The following PITPNM3 variants were observed in gnomAD, a reference collection of about 807,000 sequenced individuals.
PITPNM3 encodes PITPNM family member 3.
A neutral mutation model predicts 102.0 loss-of-function variants in PITPNM3; 26 were observed. That is an observed-to-expected ratio of 0.25 (90% CI 0.19 to 0.35). The LOEUF (loss-of-function observed/expected upper bound fraction) is 0.35, where lower values mean the gene tolerates loss of function less well. PITPNM3 is among the 10% of genes least tolerant of loss of function. PITPNM3 has a pLI of 1.00. For missense variants in PITPNM3, 1,083 were observed against 1,346.1 expected (o/e 0.80, Z 3.06); for synonymous variants, 578 against 558.6 (o/e 1.03, Z -0.49).
chr17:6,534,153 G>A (rs577714511), intron 2 of PITPNM3, among the ~76,000 whole-genome samples: 2 of 152,286 alleles, frequency 1.3e-5, no homozygotes, highest in African/African-American at 4.8e-5. Context: ...GGCACTGCTG[G>A]GCTGTGGCCC....
intron 19 of PITPNM3, among the ~76,000 whole-genome samples, chr17:6,456,423 G>A (rs1914118807): frequency 6.6e-6 from 1 of 152,028 alleles, no homozygotes. Context: ...TCATTTTTCT[G>A]AGCCCTGCGA....
At chr17:6,495,607 G>T (rs984615568) in intron 4 of PITPNM3, among the ~76,000 whole-genome samples, 1 of 152,182 alleles carries the variant, frequency 6.6e-6, no homozygotes, top group Non-Finnish European at 1.5e-5. Context: ...CCACCAGGCT[G>T]GGTTCTGGGG....
At position 6,529,950 on chromosome 17, in the gene PITPNM3, G is replaced by A. The variant is rs7220715; in HGVS notation, c.119-4487C>T. Among the ~76,000 whole-genome samples, 1,169 of 152,356 alleles carry A rather than the reference G, an allele frequency of 7.7e-3. 11 individuals are homozygous for A. Among genetic ancestry groups the A allele is most frequent in the African/African-American group, 0.027 (1,105 of 41,588 alleles). On this transcript the variant is annotated intron_variant, in intron 2 of 19. Coordinates refer to ENST00000262483, the MANE Select transcript of PITPNM3 (RefSeq NM_031220.4). ...CTCCCCCAATGGGGGAAAAGGTAGA[G>A]GGAGAGTGGGGGCCTGTGGCACACC...
intron 4 of PITPNM3, among the ~76,000 whole-genome samples, chr17:6,494,483 C>G (rs1001056319): frequency 2.0e-5 from 3 of 152,232 alleles, no homozygotes; most frequent in Non-Finnish European, 4.4e-5. Context: ...CCAGCCCATG[C>G]GCACCTGCAC....
Position 6,538,093 on chromosome 17 carries a change from G to A in PITPNM3, c.23-11C>T, listed in dbSNP as rs1482933033. Reference sequence around the variant, plus strand: ...CCGGGGGAGGACCACCTGTTAAAGGGAACACATCTGTTAACCAAGCCTGAG... The same window carrying A: ...CCGGGGGAGGACCACCTGTTAAAGGAAACACATCTGTTAACCAAGCCTGAG... On this transcript the variant is annotated splice_polypyrimidine_tract_variant and intron_variant, in intron 1 of 19. Transcript: ENST00000262483. 6.3e-7 allele frequency: 1 copy of A among 1,585,496 alleles called. No individual in the cohort carries two copies. The highest frequency in any genetic ancestry group is 1.7e-5 in the Admixed American group (1 of 59,954).
Position 6,452,077 on chromosome 17 carries a change from C to A in PITPNM3, c.*3261G>T, listed in dbSNP as rs924208846. ...GTTTAAAAACCGTGAGATCCAGCCT[C>A]GCCTCTTCTAGACAGCCCACCGCCA... On this transcript the variant is annotated 3_prime_UTR_variant, in exon 20 of 20. Coordinates refer to ENST00000262483, the MANE Select transcript of PITPNM3 (RefSeq NM_031220.4). 6.6e-6 allele frequency: 1 copy of A among 152,108 alleles called. No individual in the cohort carries two copies. Among genetic ancestry groups the A allele is most frequent in the Non-Finnish European group, 1.5e-5 (1 of 68,034 alleles). The allele number at this position is 152,108 out of a possible 1,614,324, so 9.4% of individuals were successfully genotyped here.
chr17:6,544,625 G>GTCTCTCTCTCTCTC (rs67144965), intron 1 of PITPNM3, among the ~76,000 whole-genome samples: 2 of 137,192 alleles, frequency 1.5e-5, no homozygotes, highest in Non-Finnish European at 3.1e-5. Context: ...TTTGAATGGT[G>GTCTCTCTCTCTCTC]TCTCTCTCTC....
At chr17:6,498,989 G>A (rs557148065) in intron 4 of PITPNM3, among the ~76,000 whole-genome samples, 8 of 152,230 alleles carry the variant, frequency 5.3e-5, no homozygotes, top group East Asian at 1.9e-4. Flanking sequence ...AGAAGACCCC[G>A]AGAATGTCAG....
chr17:6,534,742 C>A (rs1000581326), intron 2 of PITPNM3, among the ~76,000 whole-genome samples: 1 of 152,006 alleles, frequency 6.6e-6, no homozygotes, highest in Non-Finnish European at 1.5e-5. Context: ...GTGTAGACGC[C>A]GCTTGGTTTC....
At chr17:6,544,954 T>C (rs756296960) in intron 1 of PITPNM3, among the ~76,000 whole-genome samples, 1 of 152,052 alleles carries the variant, frequency 6.6e-6, no homozygotes, top group Non-Finnish European at 1.5e-5. Flanking sequence ...AAACGCAGAA[T>C]GTGGAGTGCA....
rs1465226191 is a variant in PITPNM3, at chr17:6,459,899, C to T, written c.2490+1474G>A. Among the ~76,000 whole-genome samples, 2 of 152,120 alleles carry T rather than the reference C, an allele frequency of 1.3e-5. No individual in the cohort carries two copies. Among genetic ancestry groups the T allele is most frequent in the Non-Finnish European group, 2.9e-5 (2 of 68,040 alleles). On this transcript the variant is annotated intron_variant, in intron 18 of 19. Transcript: ENST00000262483. This position sits in a 1 kb window ranked among gnomAD's most constrained non-coding sequence, Gnocchi z 5.0. The stretch of plus-strand genomic sequence containing the variant: ...TTTCTCTCCATCCCATACCCATCAT[C>T]GCCTGGATTATGGTCTTCCTGTCTT...
At chr17:6,532,784 G>A (rs899972362) in intron 2 of PITPNM3, among the ~76,000 whole-genome samples, 3 of 152,070 alleles carry the variant, frequency 2.0e-5, no homozygotes, top group Non-Finnish European at 4.4e-5. Context: ...CAAGTTCTCA[G>A]GTGGACAAAT....
intron 4 of PITPNM3, among the ~76,000 whole-genome samples, chr17:6,484,857 G>C (rs563434876): frequency 5.9e-5 from 9 of 152,204 alleles, no homozygotes; most frequent in Admixed American, 6.5e-5. Context: ...CGTGCAGTCC[G>C]TGAGGGTCTG....
In PITPNM3 at chr17:6,474,528, C is replaced by T; in HGVS notation, c.1162G>A (p.Gly388Ser). 1 of 1,611,626 alleles carries T rather than the reference C, an allele frequency of 6.2e-7. No homozygotes were observed. The highest frequency in any genetic ancestry group is 2.2e-5 in the East Asian group (1 of 44,762). The change falls in exon 10 of 20, where the codon GGC becomes AGC. Residue 388 changes from glycine to serine, a missense_variant. Coordinates refer to ENST00000262483, the MANE Select transcript of PITPNM3 (RefSeq NM_031220.4). Reference protein sequence around the residue: ...GGPQLPEVSLGRFDFDVSDFF... With the variant: ...GGPQLPEVSLSRFDFDVSDFF... ...TCGGACACATCGAAGTCAAAGCGGC[C>T]CAGGCTGACCTCAGGGAGCTGCGGC...
At chr17:6,499,328 G>A (rs1374458868) in intron 4 of PITPNM3, among the ~76,000 whole-genome samples, 1 of 152,230 alleles carries the variant, frequency 6.6e-6, no homozygotes, top group Non-Finnish European at 1.5e-5. Context: ...ACAAGCCCTT[G>A]CAACCTCATA....
chr17:6,465,031 T>C (rs1904688274), intron 14 of PITPNM3, among the ~76,000 whole-genome samples: 1 of 152,106 alleles, frequency 6.6e-6, no homozygotes, highest in Non-Finnish European at 1.5e-5. Context: ...TTTTGTTTGA[T>C]TGATTGTTTG....
chr17:6,533,798 G>C (rs1050683330), intron 2 of PITPNM3, among the ~76,000 whole-genome samples: 2 of 152,096 alleles, frequency 1.3e-5, no homozygotes, highest in African/African-American at 4.8e-5. Context: ...CTTCCTATTT[G>C]TCACCTACCA....
intron 2 of PITPNM3, among the ~76,000 whole-genome samples, chr17:6,536,245 C>T (rs1382029496): frequency 6.6e-6 from 1 of 152,184 alleles, no homozygotes; most frequent in Non-Finnish European, 1.5e-5. Context: ...ATGAGAAGCA[C>T]TGCAGCTGCT....
intron 6 of PITPNM3, chr17:6,481,738 T>TGATAGATAGATCAGATGATAGATA (rs1905682170): frequency 7.1e-6 from 1 of 140,002 alleles, no homozygotes; most frequent in African/African-American, 2.7e-5. Context: ...ATAGATCAGA[T>TGATAGATAGATCAGATGATAGATA]GATAGATAGA....
Sources: gnomAD v4.1 joint callset for allele counts (sites outside exome capture counted in the v4.1 genomes callset) on GRCh38, gnomAD v4.1.1 for gene constraint, Gnocchi (gnomAD v3.1) non-coding constraint, MANE v1.5 for transcripts, NCBI Gene and HGNC (gene_info 2026-07-23, HGNC 2026-07-21) for gene names.